SMAD7: variants seen among roughly 807,000 people sequenced by gnomAD.
The protein encoded by SMAD7 is SMAD family member 7, also known as MAD (mothers against decapentaplegic, Drosophila) homolog 7.
SMAD7 carries 8 observed loss-of-function variants against 38.7 expected under a neutral mutation model. The observed-to-expected ratio is 0.21, with a 90% CI of 0.12 to 0.37. SMAD7 has a LOEUF of 0.37. Among genes scored for constraint, SMAD7 ranks in the 10% least tolerant of loss-of-function variants. SMAD7 has a pLI of 1.00. For missense variants in SMAD7, 477 were observed against 577.9 expected (o/e 0.83, Z 1.79); for synonymous variants, 327 against 265.1 (o/e 1.23, Z -2.27).
At position 48,943,779 on chromosome 18, in the gene SMAD7, A is replaced by T. The variant is rs1307553452; in HGVS notation, c.668-1224T>A. ...AAAAGAGCAGACGGGCAAGTAGCCCATGGGAATCCTTTAGTGGCCTACACA... is the reference window on the plus strand; with the variant it reads ...AAAAGAGCAGACGGGCAAGTAGCCCTTGGGAATCCTTTAGTGGCCTACACA... On this transcript the variant is annotated intron_variant, in intron 2 of 3. Coordinates refer to ENST00000262158, the MANE Select transcript of SMAD7 (RefSeq NM_005904.4). Among the ~76,000 whole-genome samples the T allele has an allele frequency of 3.9e-5, 6 of 152,156 alleles. No homozygotes were observed. In the East Asian group the frequency reaches 9.6e-4, roughly 24 times the overall value.
chr18:48,921,348 A>C lies in SMAD7; in HGVS notation c.*24T>G. On this transcript the variant is annotated 3_prime_UTR_variant, in exon 4 of 4. Coordinates refer to ENST00000262158, the MANE Select transcript of SMAD7 (RefSeq NM_005904.4). This position sits in a 1 kb window ranked among gnomAD's most constrained non-coding sequence, Gnocchi z 6.4. Reference sequence around the variant, plus strand: ...GTTTGAAGTGTGGCCTGCTCAGCTCACGCTCTGTCCCCTCCGCACGCGGCT... The same window carrying C: ...GTTTGAAGTGTGGCCTGCTCAGCTCCCGCTCTGTCCCCTCCGCACGCGGCT... The C allele has an allele frequency of 6.3e-7, 1 of 1,591,088 alleles. No individual in the cohort carries two copies. The highest frequency in any genetic ancestry group is 8.6e-7 in the Non-Finnish European group (1 of 1,163,854).
chr18:48,921,376 C>G lies in SMAD7; in HGVS notation c.1277G>C (p.Arg426Pro), dbSNP rs746486558. The G allele has an allele frequency of 6.2e-7, 1 of 1,608,578 alleles. No homozygotes were observed. The highest frequency in any genetic ancestry group is 8.5e-7 in the Non-Finnish European group (1 of 1,175,880). The change falls in exon 4 of 4, where the codon CGG becomes CCG. Residue 426 changes from arginine (R) to proline (P), a missense_variant. Transcript: ENST00000262158. This position sits in a 1 kb window ranked among gnomAD's most constrained non-coding sequence, Gnocchi z 6.4. ...PCWLEVIFNSR is the reference protein window; with the variant it reads ...PCWLEVIFNSP Reference sequence around the variant, plus strand: ...CTCTGTCCCCTCCGCACGCGGCTACCGGCTGTTGAAGATGACCTCTAGCCA... The same window carrying G: ...CTCTGTCCCCTCCGCACGCGGCTACGGGCTGTTGAAGATGACCTCTAGCCA...
chr18:48,935,948 G>A (rs904943690), intron 3 of SMAD7, among the ~76,000 whole-genome samples: 3 of 152,140 alleles, frequency 2.0e-5, no homozygotes, highest in African/African-American at 4.8e-5. Context: ...GGTGTGGCAC[G>A]CCTGTAATCC....
intron 3 of SMAD7, among the ~76,000 whole-genome samples, chr18:48,942,105 C>A (rs2070146947): frequency 6.6e-6 from 1 of 151,778 alleles, no homozygotes; most frequent in South Asian, 2.1e-4. Flanking sequence ...CTTTACATCC[C>A]CCATGCGCAA....
Position 48,921,963 on chromosome 18 carries a change from T to C in SMAD7, c.743-53A>G. 6 of 1,415,390 alleles carry C rather than the reference T, an allele frequency of 4.2e-6. No homozygotes were observed. Among genetic ancestry groups the C allele is most frequent in the Non-Finnish European group, 5.7e-6 (6 of 1,047,218 alleles). The allele number at this position is 1,415,390 out of a possible 1,614,324, so 87.7% of individuals were successfully genotyped here. A position where few individuals can be genotyped will look rare whatever the true frequency, so the allele number is the denominator to read the frequency against. ...AGTGGGGACAGGCATTGGTGACTCC[T>C]AGAATGAAGACACCCGCCCCCCCAC... On this transcript the variant is annotated intron_variant, in intron 3 of 3. Transcript: ENST00000262158. The surrounding 1 kb of genome is among the most constrained non-coding windows in gnomAD (Gnocchi z 6.4).
At chr18:48,946,436 G>GGGC (rs908128683) in intron 2 of SMAD7, among the ~76,000 whole-genome samples, 1 of 152,164 alleles carries the variant, frequency 6.6e-6, no homozygotes, top group Non-Finnish European at 1.5e-5. Flanking sequence ...GGGGCGGGGG[G>GGGC]GGTGTGCTCC....
In SMAD7 at chr18:48,921,228, G is replaced by A. The variant is rs979815233; in HGVS notation, c.*144C>T. On this transcript the variant is annotated 3_prime_UTR_variant, in exon 4 of 4. Coordinates refer to ENST00000262158, the MANE Select transcript of SMAD7 (RefSeq NM_005904.4). The surrounding 1 kb of genome is among the most constrained non-coding windows in gnomAD (Gnocchi z 6.4). ...AACAAAACAGAACACAAACGAGGAC[G>A]AGAAGAAGAAAACCAACCAACAAAC... The A allele has an allele frequency of 2.9e-5, 20 of 681,646 alleles. No individual in the cohort carries two copies. The highest frequency in any genetic ancestry group is 8.2e-5 in the South Asian group (4 of 49,078). 42.2% of individuals were successfully genotyped at this position (681,646 alleles called of 1,614,324 possible).
chr18:48,946,499 G>A (rs931597595), intron 2 of SMAD7, among the ~76,000 whole-genome samples: 1 of 152,192 alleles, frequency 6.6e-6, no homozygotes, highest in Non-Finnish European at 1.5e-5. Context: ...CTTCGTGGGG[G>A]CTTTGTCTAT....
chr18:48,947,613 CTTG>C (rs1394560994), intron 2 of SMAD7, among the ~76,000 whole-genome samples: 2 of 152,312 alleles, frequency 1.3e-5, no homozygotes, highest in East Asian at 3.9e-4. Flanking sequence ...TGGGTTTGTC[CTTG>C]TTGTCACCCC....
chr18:48,942,615 A>C (rs751245046), intron 2 of SMAD7, 60 bp from the exon 3 acceptor site: 4 of 1,611,246 alleles, frequency 2.5e-6, no homozygotes, highest in Non-Finnish European at 3.4e-6. Flanking sequence ...ACCAAGATCC[A>C]TCTTTAAGCA....
At chr18:48,934,400 C>T (rs1422882929) in intron 3 of SMAD7, among the ~76,000 whole-genome samples, 1 of 151,760 alleles carries the variant, frequency 6.6e-6, no homozygotes, top group Non-Finnish European at 1.5e-5. Context: ...AAGGCAGTAC[C>T]GGGGGTGGGT....
At chr18:48,935,970 G>A (rs2070059718) in intron 3 of SMAD7, among the ~76,000 whole-genome samples, 1 of 152,040 alleles carries the variant, frequency 6.6e-6, no homozygotes, top group Non-Finnish European at 1.5e-5. Flanking sequence ...AGCTGCTAGG[G>A]ATACTGACGC....
chr18:48,945,282 G>A (rs1350326290), intron 2 of SMAD7, among the ~76,000 whole-genome samples: 1 of 152,170 alleles, frequency 6.6e-6, no homozygotes, highest in Non-Finnish European at 1.5e-5. Flanking sequence ...CTAACTCGGT[G>A]AAACCCCGTC....
intron 3 of SMAD7, among the ~76,000 whole-genome samples, chr18:48,937,376 C>T (rs2070082418): frequency 6.6e-6 from 1 of 151,872 alleles, no homozygotes; most frequent in Admixed American, 6.6e-5. Context: ...CTGGCCTTCA[C>T]CTGGCCCTCT....
At chr18:48,938,973 G>C (rs894230645) in intron 3 of SMAD7, among the ~76,000 whole-genome samples, 2 of 152,052 alleles carry the variant, frequency 1.3e-5, no homozygotes, top group Non-Finnish European at 1.5e-5. Flanking sequence ...TCACAAAGCA[G>C]AATCAATCCA....
intron 3 of SMAD7, among the ~76,000 whole-genome samples, chr18:48,926,419 C>T (rs774334945): frequency 9.8e-5 from 15 of 152,302 alleles, no homozygotes; most frequent in Admixed American, 2.6e-4. Context: ...GGGTCAAAGG[C>T]GAGTGAGGAC....
intron 3 of SMAD7, among the ~76,000 whole-genome samples, 170 bp downstream of exon 3, chr18:48,942,311 G>A (rs779328967): frequency 4.6e-5 from 7 of 152,150 alleles, no homozygotes; most frequent in Non-Finnish European, 1.0e-4. Flanking sequence ...GCAGGATGAG[G>A]AGCTGAAGGG....
chr18:48,933,943 G>A (rs2070033536), intron 3 of SMAD7, among the ~76,000 whole-genome samples: 1 of 152,218 alleles, frequency 6.6e-6, no homozygotes, highest in African/African-American at 2.4e-5. Flanking sequence ...GAGCGTGAGT[G>A]GAGAGCGGGC....
At chr18:48,946,824 C>T (rs1363655353) in intron 2 of SMAD7, among the ~76,000 whole-genome samples, 2 of 152,184 alleles carry the variant, frequency 1.3e-5, no homozygotes, top group Non-Finnish European at 2.9e-5. Context: ...CAGATTTATC[C>T]CAGTGTCTCT....
Sources: allele counts gnomAD v4.1 joint callset (sites outside exome capture counted in the v4.1 genomes callset), GRCh38; gene constraint gnomAD v4.1.1; non-coding constraint Gnocchi (gnomAD v3.1); transcripts MANE v1.5; gene names NCBI Gene and HGNC (gene_info 2026-07-23, HGNC 2026-07-21).